Variants in EVC2 observed in about 807,000 individuals in gnomAD.
EVC2 encodes limbin.
Under a neutral mutation model 149.3 loss-of-function variants are expected in EVC2, and 148 were observed. The observed-to-expected ratio is 0.99, with a 90% CI of 0.87 to 1.14. The LOEUF is 1.14. Ranked by LOEUF, EVC2 falls within the 50% of genes most tolerant of loss-of-function variation. The pLI, the probability that EVC2 is intolerant of heterozygous loss-of-function variation, is 0.00. For synonymous variants in EVC2, 776 were observed against 649.9 expected (o/e 1.19, Z -2.95); for missense variants, 1,854 against 1,627.3 (o/e 1.14, Z -2.40).
intron 14 of EVC2, among the ~76,000 whole-genome samples, chr4:5,620,034 G>C (rs1715567897): frequency 6.6e-6 from 1 of 152,172 alleles, no homozygotes. Flanking sequence ...CTGCTAGAAA[G>C]GTCTTTCGTG....
At chr4:5,667,969 T>C (rs1356938657) in intron 7 of EVC2, among the ~76,000 whole-genome samples, 1 of 152,226 alleles carries the variant, frequency 6.6e-6, no homozygotes, top group East Asian at 1.9e-4. Context: ...CCAGGATCAA[T>C]CTTGTAAGCA....
At chr4:5,540,542 G>A (rs1403538461), downstream of EVC2, among the ~76,000 whole-genome samples, 1 of 152,124 alleles carries the variant, frequency 6.6e-6, no homozygotes, top group Non-Finnish European at 1.5e-5. Context: ...AAATAATTAT[G>A]TTCAGTGAAA....
chr4:5,635,122 C>T lies in EVC2; in HGVS notation c.1471-3090G>A, dbSNP rs534622541. Among the ~76,000 whole-genome samples, 38 of 144,478 alleles carry T rather than the reference C, an allele frequency of 2.6e-4. 1 individual carries two copies. Among genetic ancestry groups the T allele is most frequent in the East Asian group, 9.1e-4 (4 of 4,382 alleles). The allele number at this position is 144,478 out of a possible 152,430, so 94.8% of individuals were successfully genotyped here. A position where few individuals can be genotyped will look rare whatever the true frequency, so the allele number is the denominator to read the frequency against. ...TGCTATCTTGGTTCACTGCAAACTC[C>T]GCCCTCTGGGTTCAAGTGATTCTCC... On this transcript the variant is annotated intron_variant, in intron 10 of 21. Coordinates refer to ENST00000344408, the MANE Select transcript of EVC2 (RefSeq NM_147127.5).
At chr4:5,654,976 C>G (rs777144589) in intron 9 of EVC2, among the ~76,000 whole-genome samples, 3 of 152,182 alleles carry the variant, frequency 2.0e-5, no homozygotes, top group Non-Finnish European at 2.9e-5. Context: ...CTTTTCTTGG[C>G]TTCCTCCCCG....
At chr4:5,654,501 G>A (rs538462219) in intron 9 of EVC2, among the ~76,000 whole-genome samples, 75 of 152,178 alleles carry the variant, frequency 4.9e-4, no homozygotes, top group Non-Finnish European at 9.7e-4. Flanking sequence ...TCCCTAAGGC[G>A]ACTCTGCTCA....
In EVC2 at chr4:5,622,878, G is replaced by C. The variant is rs749380539; in HGVS notation, c.2160C>G (p.Thr720=). ...CCAGACGCTCCTGCAGCTCCTCCAG[G>C]GTGGCACCGTGCTCCTCCATCAGGC... The part of the protein sequence containing the change: ...KRSLMEEHGA[T]LEELQERLDQ... Residue 720 remains threonine, a synonymous_variant, in exon 14 of 22, where the codon ACC becomes ACG. Transcript: ENST00000344408. The surrounding 1 kb of genome is among the most constrained non-coding windows in gnomAD (Gnocchi z 5.8). 2.0e-5 allele frequency: 32 copies of C among 1,613,994 alleles called. No homozygotes were observed. In the East Asian group the frequency reaches 6.7e-4, roughly 34 times the overall value.
chr4:5,692,094 C>A (rs551060095), intron 3 of EVC2, among the ~76,000 whole-genome samples: 9 of 152,226 alleles, frequency 5.9e-5, no homozygotes, highest in Non-Finnish European at 1.3e-4. Context: ...CTCTGCCTTG[C>A]GCACCTGTCA....
At chr4:5,583,311 T>C (rs1711968011) in intron 17 of EVC2, among the ~76,000 whole-genome samples, 1 of 152,242 alleles carries the variant, frequency 6.6e-6, no homozygotes, top group African/African-American at 2.4e-5. Context: ...AGTATAATTG[T>C]TCTTTCTGGT....
intron 10 of EVC2, among the ~76,000 whole-genome samples, chr4:5,639,181 G>C (rs1222681507): frequency 6.6e-6 from 1 of 152,082 alleles, no homozygotes; most frequent in African/African-American, 2.4e-5. Context: ...TGCTCCCAGG[G>C]GCATCCATAG....
At chr4:5,624,700 C>T (rs1169273524) in intron 13 of EVC2, among the ~76,000 whole-genome samples, 1 of 152,170 alleles carries the variant, frequency 6.6e-6, no homozygotes, top group African/African-American at 2.4e-5. Context: ...CCACTGTTTC[C>T]ATCCCTTAAC....
At chr4:5,649,738 T>C (rs116116953) in intron 9 of EVC2, among the ~76,000 whole-genome samples, 27 of 152,294 alleles carry the variant, frequency 1.8e-4, no homozygotes, top group African/African-American at 5.3e-4. Flanking sequence ...GTAAGCACAA[T>C]AGACCCCCAA....
chr4:5,632,957 T>C (rs191868257), intron 10 of EVC2, among the ~76,000 whole-genome samples: 2 of 152,306 alleles, frequency 1.3e-5, no homozygotes, highest in African/African-American at 4.8e-5. Context: ...AAGTCACTCC[T>C]GTGATTGGTT....
rs759657816 is a variant in EVC2 at position 5,584,761 on chromosome 4, C to T, written c.2919G>A (p.Gln973=). 18 of 1,614,096 alleles carry T rather than the reference C, an allele frequency of 1.1e-5. No individual in the cohort carries two copies. Among genetic ancestry groups the T allele is most frequent in the Non-Finnish European group, 1.4e-5 (17 of 1,180,048 alleles). The part of the protein sequence containing the change: ...FAQSLVALQF[Q]KASRVTETLS... ...GAGTCTCGGTCACCCGGGACGCCTTCTGGAACTGCAGAGCAACAAGCGACT... is the reference window on the plus strand; with the variant it reads ...GAGTCTCGGTCACCCGGGACGCCTTTTGGAACTGCAGAGCAACAAGCGACT... The change falls in exon 17 of 22, where the codon CAG becomes CAA. Residue 973 remains glutamine (Q), a synonymous_variant. Coordinates refer to ENST00000344408, the MANE Select transcript of EVC2 (RefSeq NM_147127.5).
intron 21 of EVC2, 85 bp downstream of exon 21, chr4:5,565,173 T>G (rs545886382): frequency 6.1e-5 from 81 of 1,318,082 alleles, no homozygotes; most frequent in Admixed American, 4.0e-4. Flanking sequence ...CCTCCTTTCC[T>G]TGTCACCTCC....
At chr4:5,700,490 C>T (rs1721757574) in intron 1 of EVC2, among the ~76,000 whole-genome samples, 1 of 152,192 alleles carries the variant, frequency 6.6e-6, no homozygotes, top group Non-Finnish European at 1.5e-5. Flanking sequence ...AGACCTGGCC[C>T]CTGACCTCAC....
Position 5,618,366 on chromosome 4 carries a change from G to A in EVC2, c.2706+112C>T. 7.6e-6 allele frequency: 9 copies of A among 1,183,342 alleles called. No individual in the cohort carries two copies. In the South Asian group the frequency reaches 1.0e-4, roughly 13 times the overall value. The allele number at this position is 1,183,342 out of a possible 1,614,324, so 73.3% of individuals were successfully genotyped here. A position where few individuals can be genotyped will look rare whatever the true frequency, so the allele number is the denominator to read the frequency against. On this transcript the variant is annotated intron_variant, in intron 15 of 21. Coordinates refer to ENST00000344408, the MANE Select transcript of EVC2 (RefSeq NM_147127.5). The surrounding 1 kb of genome is among the most constrained non-coding windows in gnomAD (Gnocchi z 4.4). ...CAATGCAGCCAGAGAGGAGAGGATA[G>A]GGGAGCATGAGGTGAGATGGGCTCA...
chr4:5,597,686 C>G (rs1692168141), intron 16 of EVC2, among the ~76,000 whole-genome samples: 1 of 147,118 alleles, frequency 6.8e-6, no homozygotes, highest in Non-Finnish European at 1.5e-5. Context: ...CTCACCACTC[C>G]TATTCAACAT....
At chr4:5,590,971 AACTC>A (rs761703128) in intron 16 of EVC2, among the ~76,000 whole-genome samples, 9 of 152,168 alleles carry the variant, frequency 5.9e-5, no homozygotes, top group Admixed American at 1.3e-4. Flanking sequence ...ATCTCATGAG[AACTC>A]ACTCACTATC....
intron 21 of EVC2, among the ~76,000 whole-genome samples, chr4:5,554,992 G>T (rs1262126694): frequency 1.3e-5 from 2 of 151,446 alleles, no homozygotes; most frequent in Admixed American, 6.6e-5. Context: ...TGCTTTAATT[G>T]CATTAGATAA....
Sources: gnomAD v4.1 joint callset for allele counts (sites outside exome capture counted in the v4.1 genomes callset) on GRCh38, gnomAD v4.1.1 for gene constraint, Gnocchi (gnomAD v3.1) non-coding constraint, MANE v1.5 for transcripts, NCBI Gene and HGNC (gene_info 2026-07-23, HGNC 2026-07-21) for gene names.